SLC25A26: variants seen among roughly 807,000 people sequenced by gnomAD.
SLC25A26 encodes mitochondrial S-adenosylmethionine carrier protein.
SLC25A26 carries 36 observed loss-of-function variants against 37.8 expected under a neutral mutation model. The ratio of observed to expected loss-of-function variants is 0.95; its 90% confidence interval spans 0.73 to 1.26. The LOEUF is 1.26. SLC25A26 is among the 50% of genes most tolerant of loss of function. The pLI is 0.00. For missense variants in SLC25A26, 390 were observed against 331.1 expected, an observed-to-expected ratio of 1.18 and a Z score of -1.38; for synonymous variants, 129 against 122.5, an observed-to-expected ratio of 1.05 and a Z score of -0.35.
intron 1 of SLC25A26, among the ~76,000 whole-genome samples, chr3:66,198,158 C>T (rs1363116239): frequency 1.3e-5 from 2 of 152,054 alleles, no homozygotes; most frequent in African/African-American, 4.8e-5. Context: ...AGAGTATTAT[C>T]TGGGTCAGAG....
chr3:66,287,496 T>C (rs528622062), intron 5 of SLC25A26, among the ~76,000 whole-genome samples: 22 of 152,324 alleles, frequency 1.4e-4, no homozygotes, highest in Non-Finnish European at 2.4e-4. Context: ...TACTATACTG[T>C]TAATATGTAG....
At chr3:66,159,205 A>G (rs187940453) in intron 1 of SLC25A26, among the ~76,000 whole-genome samples, 15 of 152,238 alleles carry the variant, frequency 9.9e-5, no homozygotes, top group Non-Finnish European at 2.2e-4. Flanking sequence ...ACACTGGGAC[A>G]GTGTACATAA....
At chr3:66,273,218 C>T (rs2074015826) in intron 5 of SLC25A26, among the ~76,000 whole-genome samples, 1 of 152,132 alleles carries the variant, frequency 6.6e-6, no homozygotes, top group East Asian at 1.9e-4. Flanking sequence ...AGGATTTTTG[C>T]GTCAATGTGC....
chr3:66,249,873 A>C (rs1362173109), intron 3 of SLC25A26, among the ~76,000 whole-genome samples: 1 of 152,240 alleles, frequency 6.6e-6, no homozygotes, highest in African/African-American at 2.4e-5. Flanking sequence ...GAAACACAGA[A>C]GCTGAAACAG....
At chr3:66,147,702 C>T (rs909806452) in intron 1 of SLC25A26, among the ~76,000 whole-genome samples, 2 of 152,146 alleles carry the variant, frequency 1.3e-5, no homozygotes, top group South Asian at 2.1e-4. Context: ...TACATTCCCA[C>T]CAGCAATGTA....
chr3:66,376,702 A>G (rs945643893), intron 9 of SLC25A26, among the ~76,000 whole-genome samples: 23 of 152,236 alleles, frequency 1.5e-4, no homozygotes, highest in African/African-American at 5.3e-4. Flanking sequence ...ATGGTGGCCA[A>G]ACTTGGCCTG....
At chr3:66,195,540 C>T (rs1195141084) in intron 1 of SLC25A26, among the ~76,000 whole-genome samples, 1 of 152,206 alleles carries the variant, frequency 6.6e-6, no homozygotes, top group Non-Finnish European at 1.5e-5. Context: ...ATTCCCACCA[C>T]CTGTTCCTTC....
intron 1 of SLC25A26, among the ~76,000 whole-genome samples, chr3:66,210,156 A>G (rs2071265472): frequency 6.6e-6 from 1 of 150,744 alleles, no homozygotes; most frequent in African/African-American, 2.4e-5. Flanking sequence ...AATTGAGCCT[A>G]TATGATGTAT....
intron 5 of SLC25A26, among the ~76,000 whole-genome samples, chr3:66,282,522 C>A (rs775648827): frequency 6.6e-6 from 1 of 152,158 alleles, no homozygotes; most frequent in Non-Finnish European, 1.5e-5. Flanking sequence ...CTGCCCCAGT[C>A]CTGTAATCAG....
intron 5 of SLC25A26, among the ~76,000 whole-genome samples, chr3:66,294,314 G>T (rs1467602907): frequency 1.3e-5 from 2 of 152,040 alleles, no homozygotes; most frequent in East Asian, 1.9e-4. Flanking sequence ...TTCCTGATAG[G>T]TCTCTTGGCT....
intron 5 of SLC25A26, among the ~76,000 whole-genome samples, chr3:66,281,350 T>A (rs1349054448): frequency 2.0e-5 from 3 of 152,230 alleles, no homozygotes; most frequent in Admixed American, 6.5e-5. Flanking sequence ...TGCGGTAATA[T>A]TTTGAGAACA....
chr3:66,234,254 G>C lies in SLC25A26; in HGVS notation c.34-2290G>C, dbSNP rs2072169617. ...ATTACAGGTACATACCACCATGCCC[G>C]GCTCTACTTACTGAATTTTATAAAA... On this transcript the variant is annotated intron_variant, in intron 1 of 9. Coordinates refer to ENST00000354883, the MANE Select transcript of SLC25A26 (RefSeq NM_001379210.1). Among the ~76,000 whole-genome samples the C allele has an allele frequency of 1.3e-5, 2 of 152,104 alleles. 1 individual carries two copies. The highest frequency in any genetic ancestry group is 4.1e-4 in the South Asian group (2 of 4,824).
chr3:66,328,062 A>G (rs2075882365), intron 5 of SLC25A26, among the ~76,000 whole-genome samples: 1 of 152,144 alleles, frequency 6.6e-6, no homozygotes, highest in Admixed American at 6.5e-5. Context: ...TTATGGTCTC[A>G]GTGTTAATAA....
rs561958759 is a variant in SLC25A26, at chr3:66,146,056, T to C, written c.-354+12072T>C. Among the ~76,000 whole-genome samples, 10 of 152,258 alleles carry C rather than the reference T, an allele frequency of 6.6e-5. No individual in the cohort carries two copies. In the East Asian group the frequency reaches 1.7e-3, roughly 26 times the overall value. On this transcript the variant is annotated intron_variant, in intron 1 of 10. Coordinates refer to the SLC25A26 transcript ENST00000676754. ...AATTTTCCGTTTAAAAATCTAATAA[T>C]TGGCTGGGCGCAGTGGCTCACACCT...
At chr3:66,348,553 T>G (rs2076379584) in intron 6 of SLC25A26, among the ~76,000 whole-genome samples, 1 of 152,228 alleles carries the variant, frequency 6.6e-6, no homozygotes. Flanking sequence ...TTTTATAGAT[T>G]GACTAGTCAT....
At chr3:66,279,409 A>T (rs1364830935) in intron 5 of SLC25A26, among the ~76,000 whole-genome samples, 1 of 152,176 alleles carries the variant, frequency 6.6e-6, no homozygotes, top group Non-Finnish European at 1.5e-5. Flanking sequence ...TGCCTCTGTT[A>T]AACTTACACC....
intron 5 of SLC25A26, among the ~76,000 whole-genome samples, chr3:66,268,071 C>T (rs1559636062): frequency 6.6e-6 from 1 of 152,204 alleles, no homozygotes; most frequent in African/African-American, 2.4e-5. Context: ...TGCTTTCTAA[C>T]CTACTTTGTT....
At chr3:66,258,670 C>G (rs2073400849) in intron 3 of SLC25A26, among the ~76,000 whole-genome samples, 1 of 152,024 alleles carries the variant, frequency 6.6e-6, no homozygotes, top group South Asian at 2.1e-4. Context: ...CCACACACAT[C>G]CATGGTATTT....
In SLC25A26 at chr3:66,311,726, T is replaced by G. The variant is rs189892755; in HGVS notation, c.454-34638T>G. On this transcript the variant is annotated intron_variant, in intron 5 of 9. Transcript: ENST00000354883. ...ATGTTATTGCTTTATGTTTGTTAGT[T>G]TTCCTTCTAACAGTCAGGCCCCTCT... is the stretch of plus-strand genomic sequence containing the variant. Among the ~76,000 whole-genome samples the G allele has an allele frequency of 7.9e-5, 12 of 152,252 alleles. No homozygotes were observed. In the East Asian group the frequency reaches 2.3e-3, roughly 29 times the overall value.
Sources: allele counts gnomAD v4.1 joint callset (sites outside exome capture counted in the v4.1 genomes callset), GRCh38; gene constraint gnomAD v4.1.1; transcripts MANE v1.5; gene names NCBI Gene and HGNC (gene_info 2026-07-23, HGNC 2026-07-21).